The following GRIK2 variants were observed in gnomAD, a reference collection of about 807,000 sequenced individuals.
GRIK2 encodes glutamate receptor ionotropic, kainate 2.
Under a neutral mutation model 100.3 loss-of-function variants are expected in GRIK2, and 32 were observed. The ratio of observed to expected loss-of-function variants is 0.32; its 90% CI spans 0.24 to 0.43. GRIK2 has a LOEUF of 0.43. GRIK2 is among the 20% of genes least tolerant of loss of function. GRIK2 has a pLI of 1.00. For synonymous variants in GRIK2, 417 were observed against 389.4 expected, an observed-to-expected ratio of 1.07 and a Z score of -0.83; for missense variants, 843 against 1,114.9, an observed-to-expected ratio of 0.76 and a Z score of 3.47.
Position 101,757,369 on chromosome 6 carries a change from AATC to A in GRIK2, c.952-42276_952-42274del, listed in dbSNP as rs536072064. On this transcript the variant is annotated intron_variant, in intron 7 of 16. Coordinates refer to ENST00000369134, the MANE Select transcript of GRIK2 (RefSeq NM_021956.5). ...GGAAAACAATATAGTAAGGAAGAAAAATCATGAATATGTTAAATTATTAAAATG... is the reference window on the plus strand; with the variant it reads ...GGAAAACAATATAGTAAGGAAGAAAAATGAATATGTTAAATTATTAAAATG... 1.2e-3 allele frequency among the ~76,000 whole-genome samples: 182 copies of A among 152,314 alleles called. 2 individuals carry two copies. Among genetic ancestry groups the A allele is most frequent in the African/African-American group, 4.1e-3 (170 of 41,580 alleles).
chr6:101,433,832 G>A (rs1769560620), intron 2 of GRIK2, among the ~76,000 whole-genome samples: 2 of 152,098 alleles, frequency 1.3e-5, no homozygotes, highest in African/African-American at 2.4e-5. Context: ...GCCTATATTT[G>A]CAGTCACCCA....
At chr6:101,895,739 T>C (rs1158967272) in intron 12 of GRIK2, among the ~76,000 whole-genome samples, 1 of 151,828 alleles carries the variant, frequency 6.6e-6, no homozygotes, top group Non-Finnish European at 1.5e-5. Context: ...ATTTTAACTT[T>C]CCATAACATA....
Position 101,621,954 on chromosome 6 carries a change from A to AT in GRIK2, c.126dup (p.Glu43Ter). 1 of 1,600,886 alleles carries AT rather than the reference A, an allele frequency of 6.2e-7. No individual in the cohort carries two copies. Among genetic ancestry groups the AT allele is most frequent in the Non-Finnish European group, 8.6e-7 (1 of 1,169,238 alleles). The stretch of plus-strand genomic sequence containing the variant: ...TTTCTCTTTCTTTTTGCCAGGTGGT[A>AT]TTTTTGAATATGTGGAATCTGGCCC... On this transcript the variant is annotated frameshift_variant, in exon 3 of 17. Coordinates refer to ENST00000369134, the MANE Select transcript of GRIK2 (RefSeq NM_021956.5). LOFTEE classifies it high-confidence loss of function.
chr6:101,852,722 C>A (rs929256965), intron 10 of GRIK2, among the ~76,000 whole-genome samples: 1 of 152,102 alleles, frequency 6.6e-6, no homozygotes, highest in African/African-American at 2.4e-5. Context: ...AAAAGAAACA[C>A]CTAAATATGT....
intron 7 of GRIK2, among the ~76,000 whole-genome samples, chr6:101,712,221 T>G (rs537094892): frequency 5.9e-4 from 90 of 151,986 alleles, no homozygotes; most frequent in African/African-American, 2.2e-3. Context: ...GACTGCTATC[T>G]TTTAGAACCT....
intron 7 of GRIK2, among the ~76,000 whole-genome samples, chr6:101,742,372 G>A (rs1207092605): frequency 6.6e-6 from 1 of 152,102 alleles, no homozygotes; most frequent in Non-Finnish European, 1.5e-5. Context: ...ACTAAGGTGT[G>A]GGGTAAGATG....
At chr6:101,821,192 T>C (rs1435182873) in intron 10 of GRIK2, among the ~76,000 whole-genome samples, 1 of 152,122 alleles carries the variant, frequency 6.6e-6, no homozygotes, top group African/African-American at 2.4e-5. Context: ...TGATTAAGAG[T>C]ACCCATATAA....
chr6:101,517,998 A>G (rs1345213208), intron 2 of GRIK2, among the ~76,000 whole-genome samples: 1 of 152,158 alleles, frequency 6.6e-6, no homozygotes, highest in African/African-American at 2.4e-5. Context: ...CCATTATGTG[A>G]ATAATTTCAT....
At chr6:101,598,376 A>G (rs999354028) in intron 2 of GRIK2, among the ~76,000 whole-genome samples, 3 of 151,600 alleles carry the variant, frequency 2.0e-5, no homozygotes, top group African/African-American at 7.3e-5. Flanking sequence ...CATACTCCAG[A>G]CTGAGACTTT....
At chr6:102,066,479 G>C (rs1454157906) in intron 16 of GRIK2, among the ~76,000 whole-genome samples, 2 of 151,546 alleles carry the variant, frequency 1.3e-5, no homozygotes, top group Middle Eastern at 6.8e-3. Context: ...AAATCAAGTT[G>C]TGAAAACAAA....
intron 7 of GRIK2, among the ~76,000 whole-genome samples, chr6:101,781,844 T>C (rs1204889302): frequency 1.3e-5 from 2 of 150,646 alleles, no homozygotes; most frequent in Non-Finnish European, 2.9e-5. Flanking sequence ...TTTTTTTTTT[T>C]CTAAAATAAA....
Position 101,568,938 on chromosome 6 carries a change from C to T in GRIK2, c.116-53011C>T, listed in dbSNP as rs533713907. Among the ~76,000 whole-genome samples the T allele has an allele frequency of 7.2e-5, 11 of 151,872 alleles. No homozygotes were observed. In the South Asian group the frequency reaches 2.1e-3, roughly 29 times the overall value. ...ATGTTCCTTTTCACATGAAAATAAA[C>T]TTGCCTGGAGTCCTGTGTTTCAACA... On this transcript the variant is annotated intron_variant, in intron 2 of 16. Transcript: ENST00000369134.
chr6:101,512,057 C>CAT (rs3057424), intron 2 of GRIK2, among the ~76,000 whole-genome samples: 2,361 of 148,190 alleles, frequency 0.016, 76 homozygotes, highest in Admixed American at 0.08. Flanking sequence ...AAGATACATA[C>CAT]ATATATATAT....
chr6:101,999,647 C>T (rs943221753), intron 14 of GRIK2, among the ~76,000 whole-genome samples: 1 of 151,900 alleles, frequency 6.6e-6, no homozygotes, highest in African/African-American at 2.4e-5. Context: ...AAAGGTTTTC[C>T]TCTTCCCCAC....
chr6:101,893,548 T>G (rs1787242408), intron 12 of GRIK2, among the ~76,000 whole-genome samples: 1 of 151,710 alleles, frequency 6.6e-6, no homozygotes, highest in African/African-American at 2.4e-5. Context: ...CTGATGTCAT[T>G]TCTGTTATTA....
chr6:101,693,439 A>G (rs1377380886), intron 7 of GRIK2, among the ~76,000 whole-genome samples: 1 of 151,606 alleles, frequency 6.6e-6, no homozygotes, highest in Non-Finnish European at 1.5e-5. Context: ...TAGGGGAGAA[A>G]AAAAAAAAAC....
At chr6:101,477,690 A>T (rs557964745) in intron 2 of GRIK2, among the ~76,000 whole-genome samples, 5 of 152,060 alleles carry the variant, frequency 3.3e-5, no homozygotes, top group African/African-American at 1.2e-4. Context: ...TTTTTAGCTG[A>T]AGCACAGGGA....
intron 16 of GRIK2, among the ~76,000 whole-genome samples, chr6:102,058,707 TTG>T (rs921577181): frequency 6.6e-5 from 10 of 151,520 alleles, no homozygotes; most frequent in African/African-American, 2.2e-4. Context: ...CTTATCATAA[TTG>T]TGTCTTTAAC....
intron 7 of GRIK2, among the ~76,000 whole-genome samples, chr6:101,711,954 CAATT>C (rs1562327575): frequency 6.6e-6 from 1 of 151,712 alleles, no homozygotes. Context: ...ATTCCTATAA[CAATT>C]GATTTAAAGA....
Sources: gnomAD v4.1 joint callset for allele counts (sites outside exome capture counted in the v4.1 genomes callset) on GRCh38, gnomAD v4.1.1 for gene constraint, MANE v1.5 for transcripts, NCBI Gene and HGNC (gene_info 2026-07-23, HGNC 2026-07-21) for gene names.